INO80D: variants seen among roughly 807,000 people sequenced by gnomAD.
INO80D encodes INO80 complex subunit D.
INO80D carries 21 observed loss-of-function variants against 87.6 expected under a neutral mutation model. That is an observed-to-expected ratio of 0.24 (90% CI 0.17 to 0.35). The LOEUF is 0.35. Ranked by LOEUF, INO80D falls within the 10% of genes least tolerant of loss-of-function variation. The pLI is 1.00. For missense variants in INO80D, 982 were observed against 1,280.7 expected, an observed-to-expected ratio of 0.77 and a Z score of 3.56; for synonymous variants, 440 against 491.0, an observed-to-expected ratio of 0.90 and a Z score of 1.37.
At chr2:206,078,177 G>A (rs768724837) in intron 1 of INO80D, among the ~76,000 whole-genome samples, 7 of 151,474 alleles carry the variant, frequency 4.6e-5, no homozygotes, top group Non-Finnish European at 1.0e-4. Flanking sequence ...CAGCACTTTG[G>A]GAGACCGAGG....
chr2:206,065,418 G>A (rs763639667), intron 1 of INO80D, among the ~76,000 whole-genome samples: 9 of 152,054 alleles, frequency 5.9e-5, no homozygotes, highest in Non-Finnish European at 1.2e-4. Context: ...GCAGTGAGCC[G>A]AGATCACGCC....
intron 1 of INO80D, among the ~76,000 whole-genome samples, chr2:206,075,749 AT>A (rs1169454771): frequency 6.6e-6 from 1 of 150,736 alleles, no homozygotes; most frequent in Non-Finnish European, 1.5e-5. Flanking sequence ...ATACCTTATA[AT>A]TTTTTTAAAA....
intron 5 of INO80D, among the ~76,000 whole-genome samples, chr2:206,031,054 G>A (rs1688752201): frequency 6.6e-6 from 1 of 151,924 alleles, no homozygotes; most frequent in South Asian, 2.1e-4. Flanking sequence ...ACAAAGAATG[G>A]GAAGGACAGT....
intron 4 of INO80D, among the ~76,000 whole-genome samples, chr2:206,053,961 T>A (rs1689442978): frequency 6.6e-6 from 1 of 151,756 alleles, no homozygotes; most frequent in Non-Finnish European, 1.5e-5. Context: ...TGCCTCAGCC[T>A]CCCAAGTAGC....
intron 1 of INO80D, among the ~76,000 whole-genome samples, chr2:206,082,107 G>A (rs551654014): frequency 3.5e-4 from 53 of 152,214 alleles, no homozygotes; most frequent in African/African-American, 1.1e-3. Flanking sequence ...TGCAACCTCC[G>A]CCTCCCAGGT....
intron 4 of INO80D, among the ~76,000 whole-genome samples, chr2:206,049,224 T>C (rs1448651838): frequency 6.6e-6 from 1 of 152,208 alleles, no homozygotes; most frequent in African/African-American, 2.4e-5. Flanking sequence ...TAAGATTAAA[T>C]AACACATTGC....
chr2:206,010,066 C>CTG (rs2105802138), intron 8 of INO80D, among the ~76,000 whole-genome samples: 1 of 138,632 alleles, frequency 7.2e-6, no homozygotes, highest in Admixed American at 7.6e-5. Context: ...ACTGTCTACA[C>CTG]ACACACACAC....
intron 5 of INO80D, among the ~76,000 whole-genome samples, chr2:206,033,018 C>G (rs1386188401): frequency 6.6e-6 from 1 of 152,164 alleles, no homozygotes; most frequent in Non-Finnish European, 1.5e-5. Flanking sequence ...GACCTAAATG[C>G]TCCACTTAAA....
chr2:206,059,979 C>G (rs564878137), intron 3 of INO80D, among the ~76,000 whole-genome samples: 5 of 151,892 alleles, frequency 3.3e-5, no homozygotes, highest in African/African-American at 1.2e-4. Context: ...CAAGGCAGGG[C>G]GATTGCTTGA....
chr2:206,057,768 T>TG lies in INO80D; in HGVS notation c.219-826dup, dbSNP rs561647329. Among the ~76,000 whole-genome samples the TG allele has an allele frequency of 6.4e-3, 977 of 152,100 alleles. 13 individuals carry two copies. The highest frequency in any genetic ancestry group is 0.01 in the Non-Finnish European group (694 of 67,966). On this transcript the variant is annotated intron_variant, in intron 3 of 10. Transcript: ENST00000403263. ...TCTCACAAATCACCACTAAAGAACT[T>TG]GCTCATGTAGCCAAATACCACCTGT...
rs1407656882 is a variant in INO80D, at chr2:205,998,374, A to G, written c.*5994T>C. On this transcript the variant is annotated 3_prime_UTR_variant, in exon 11 of 11. Coordinates refer to ENST00000403263, the MANE Select transcript of INO80D (RefSeq NM_017759.5). ...TATCCTTTTATTTTATATATCTGCAAGGTAGCAAAGGATAGCTATACACCT... is the reference window on the plus strand; with the variant it reads ...TATCCTTTTATTTTATATATCTGCAGGGTAGCAAAGGATAGCTATACACCT... 6.6e-6 allele frequency: 1 copy of G among 151,296 alleles called. No individual in the cohort carries two copies. The highest frequency in any genetic ancestry group is 1.5e-5 in the Non-Finnish European group (1 of 67,838). The allele number at this position is 151,296 out of a possible 1,614,324, so 9.4% of individuals were successfully genotyped here. A position where few individuals can be genotyped will look rare whatever the true frequency, so the allele number is the denominator to read the frequency against.
chr2:206,057,060 C>G (rs1446887315), intron 3 of INO80D, 117 bp from the exon 4 acceptor site: 15 of 975,560 alleles, frequency 1.5e-5, no homozygotes, highest in Non-Finnish European at 2.2e-5. Flanking sequence ...TGACTCTTGG[C>G]AGCCAGCAAC....
intron 5 of INO80D, chr2:206,040,304 A>ATTCCTTATGGCACAATCCT (rs1689012228): frequency 6.5e-6 from 1 of 152,740 alleles, no homozygotes; most frequent in Non-Finnish European, 1.4e-5. Flanking sequence ...AAAAAAAAAA[A>ATTCCTTATGGCACAATCCT]GCCCAAGACC....
At chr2:206,067,245 CAAA>C (rs774707029) in intron 1 of INO80D, among the ~76,000 whole-genome samples, 1 of 122,908 alleles carries the variant, frequency 8.1e-6, no homozygotes. Flanking sequence ...CAACCGTCTC[CAAA>C]AAAAAAAAAA....
In INO80D at chr2:206,056,623, C is replaced by T. The variant is rs762687351; in HGVS notation, c.539G>A (p.Arg180His). The change falls in exon 4 of 11, where the codon CGC becomes CAC. Residue 180 changes from arginine to histidine, a missense_variant. Physicochemically the swap from Arg to His is conservative, Grantham distance 29. Coordinates refer to ENST00000403263, the MANE Select transcript of INO80D (RefSeq NM_017759.5). ...TTTTAAAATCTCTGTCTCTCTCTGG[C>T]GCTGCCGATTCTGGGCCAACTTGCT... ...LQSKLAQNRQ[R>H]QRETEILKVR... 2.0e-5 allele frequency: 32 copies of T among 1,610,546 alleles called. No individual in the cohort carries two copies. The highest frequency in any genetic ancestry group is 3.3e-4 in the Middle Eastern group (2 of 6,054).
Position 206,056,345 on chromosome 2 carries a change from G to C in INO80D, c.817C>G (p.Pro273Ala), listed in dbSNP as rs746116483. 9.2e-5 allele frequency: 148 copies of C among 1,613,876 alleles called. No individual in the cohort carries two copies. Among genetic ancestry groups the C allele is most frequent in the Non-Finnish European group, 1.2e-4 (146 of 1,179,892 alleles). ...TCAGTCCTGGGTGGGTCCACAGTGG[G>C]AGCCCTACTGGATGGCAGGAGGGGC... ...PLPLLPSSRAPTVDPPRTDRI... is the reference protein window; with the variant it reads ...PLPLLPSSRAATVDPPRTDRI... The change falls in exon 4 of 11, where the codon CCC becomes GCC. Residue 273 changes from proline (P) to alanine (A), a missense_variant. Physicochemically the swap from Pro to Ala is conservative, Grantham distance 27. Transcript: ENST00000403263.
At chr2:206,020,218 G>T (rs1286084317) in intron 6 of INO80D, among the ~76,000 whole-genome samples, 2 of 152,088 alleles carry the variant, frequency 1.3e-5, no homozygotes, top group Non-Finnish European at 2.9e-5. Flanking sequence ...CTTACTAGCT[G>T]TGTGACTATG....
chr2:206,008,514 C>T (rs976239663), intron 9 of INO80D, among the ~76,000 whole-genome samples: 5 of 150,494 alleles, frequency 3.3e-5, no homozygotes, highest in Non-Finnish European at 7.4e-5. Flanking sequence ...CTCCTGACAT[C>T]ATGATCCACC....
chr2:206,083,734 GC>G (rs1690348014), intron 1 of INO80D, among the ~76,000 whole-genome samples: 1 of 151,990 alleles, frequency 6.6e-6, no homozygotes, highest in Non-Finnish European at 1.5e-5. Flanking sequence ...GCAAGTGGTA[GC>G]TTTTCACTAA....
Sources: gnomAD v4.1 joint callset for allele counts (sites outside exome capture counted in the v4.1 genomes callset) on GRCh38, gnomAD v4.1.1 for gene constraint, MANE v1.5 for transcripts, NCBI Gene and HGNC (gene_info 2026-07-23, HGNC 2026-07-21) for gene names.